Variants in GNPTAB observed in about 807,000 individuals in gnomAD.
GNPTAB encodes N-acetylglucosamine-1-phosphate transferase subunits alpha and beta.
A neutral mutation model predicts 136.6 loss-of-function variants in GNPTAB; 92 were observed. That is an observed-to-expected ratio of 0.67 (90% CI 0.57 to 0.80). The LOEUF (loss-of-function observed/expected upper bound fraction) is 0.80. GNPTAB is among the 30% of genes least tolerant of loss of function. The pLI, the probability that GNPTAB is intolerant of heterozygous loss-of-function variation, is 0.00. For missense variants in GNPTAB, 1,343 were observed against 1,501.8 expected (o/e 0.89, Z 1.75); for synonymous variants, 512 against 535.1 (o/e 0.96, Z 0.60).
intron 10 of GNPTAB, 103 bp from the exon 11 acceptor site, chr12:101,768,263 G>C: frequency 7.4e-7 from 1 of 1,354,098 alleles, no homozygotes; most frequent in Non-Finnish European, 1.0e-6. Flanking sequence ...TCTCTAGAAA[G>C]ATTAAAATTT....
In GNPTAB at chr12:101,760,086, T is replaced by C. The variant is rs202082876; in HGVS notation, c.3193A>G (p.Ile1065Val). The C allele has an allele frequency of 6.2e-7, 1 of 1,613,884 alleles. No homozygotes were observed. The highest frequency in any genetic ancestry group is 1.7e-5 in the Admixed American group (1 of 60,026). ...INCSKMLPAD[I>V]TQLNNIPPTQ... ...GGTGGAATATTATTTAGCTGCGTGA[T>C]ATCAGCAGGAAGCATTTTTGAGCAA... Residue 1065 changes from isoleucine (I) to valine (V), a missense_variant, in exon 16 of 21, where the codon ATC (isoleucine) becomes GTC (valine). Coordinates refer to ENST00000299314, the MANE Select transcript of GNPTAB (RefSeq NM_024312.5).
chr12:101,801,539 C>CAAAAAAAAAAAAAAAAA (rs36066248), intron 1 of GNPTAB, among the ~76,000 whole-genome samples: 1 of 42,580 alleles, frequency 2.3e-5, no homozygotes, highest in African/African-American at 7.0e-5. Context: ...GACCCTGTCT[C>CAAAAAAAAAAAAAAAAA]AAAAAAAAAA....
intron 1 of GNPTAB, among the ~76,000 whole-genome samples, chr12:101,801,498 C>G (rs1869620198): frequency 1.5e-5 from 2 of 130,448 alleles, no homozygotes. Context: ...ATTTACTGTG[C>G]CACTGCACTC....
chr12:101,782,993 T>C (rs1868430766), intron 5 of GNPTAB, among the ~76,000 whole-genome samples: 1 of 152,022 alleles, frequency 6.6e-6, no homozygotes, highest in Non-Finnish European at 1.5e-5. Context: ...AAATTAGAAT[T>C]GCAACCCCCT....
At chr12:101,784,637 G>T (rs1178949196) in intron 5 of GNPTAB, among the ~76,000 whole-genome samples, 2 of 151,754 alleles carry the variant, frequency 1.3e-5, no homozygotes, top group African/African-American at 4.9e-5. Context: ...AATTCAGTCT[G>T]GTGTGGAGGA....
At chr12:101,805,585 G>A (rs1202688758) in intron 1 of GNPTAB, among the ~76,000 whole-genome samples, 1 of 152,114 alleles carries the variant, frequency 6.6e-6, no homozygotes, top group Non-Finnish European at 1.5e-5. Context: ...TTGTCAAGAT[G>A]GGGTTTCACC....
In GNPTAB at chr12:101,770,043, T is replaced by TA. The variant is rs1489823937; in HGVS notation, c.1261dup (p.Tyr421LeufsTer28). ...CACCTTCTGGCCTTTGGAGTGACTG[T>TA]AAAAATCATCTGGCCAGACATCCTT... On this transcript the variant is annotated frameshift_variant, in exon 10 of 21. Coordinates refer to ENST00000299314, the MANE Select transcript of GNPTAB (RefSeq NM_024312.5). LOFTEE classifies it high-confidence loss of function. The TA allele has an allele frequency of 1.2e-6, 2 of 1,614,108 alleles. No homozygotes were observed. The highest frequency in any genetic ancestry group is 2.2e-5 in the East Asian group (1 of 44,886).
At chr12:101,747,288 A>G in intron 20 of GNPTAB, 47 bp from the exon 21 acceptor site, 1 of 1,106,100 alleles carries the variant, frequency 9.0e-7, no homozygotes, top group Non-Finnish European at 1.4e-6. Context: ...CACGTTGATG[A>G]AAGAATATAA....
At chr12:101,779,932 T>C in intron 7 of GNPTAB, 2 of 578,334 alleles carry the variant, frequency 3.5e-6, no homozygotes, top group East Asian at 6.0e-5. Context: ...GTTAAACAAA[T>C]GAGTCCTTCT....
chr12:101,815,920 CA>C (rs1870493377), intron 1 of GNPTAB, among the ~76,000 whole-genome samples: 2 of 152,152 alleles, frequency 1.3e-5, no homozygotes, highest in South Asian at 2.1e-4. Context: ...TAATTTCTGA[CA>C]AAAGTGCCAA....
At chr12:101,790,301 C>A (rs1868911285) in intron 2 of GNPTAB, among the ~76,000 whole-genome samples, 1 of 152,186 alleles carries the variant, frequency 6.6e-6, no homozygotes, top group Non-Finnish European at 1.5e-5. Flanking sequence ...ACCTGATGCA[C>A]ACAGCCACTC....
chr12:101,765,009 C>T lies in GNPTAB; in HGVS notation c.1908G>A (p.Arg636=). The change falls in exon 13 of 21, where the codon AGG becomes AGA. Residue 636 remains arginine (R), a synonymous_variant. Transcript: ENST00000299314. ...KMQITVEVDT[R]EGPKLNSTAQ... ...CTGTAGAATTCAGTTTTGGTCCCTC[C>T]CTTGTGTCCACCTCCACTGTTATCT... The T allele has an allele frequency of 6.2e-7, 1 of 1,614,164 alleles. No homozygotes were observed. The highest frequency in any genetic ancestry group is 8.5e-7 in the Non-Finnish European group (1 of 1,180,028).
intron 18 of GNPTAB, chr12:101,756,416 A>G: frequency 3.0e-6 from 1 of 329,856 alleles, no homozygotes; most frequent in South Asian, 2.2e-5. Flanking sequence ...GAAATTAAAA[A>G]TACTCCATTT....
chr12:101,820,190 C>T (rs1020642679), intron 1 of GNPTAB, among the ~76,000 whole-genome samples: 4 of 152,202 alleles, frequency 2.6e-5, no homozygotes, highest in African/African-American at 7.2e-5. Context: ...CAATCAGCAA[C>T]AAAAATAAAT....
At chr12:101,796,015 C>T (rs1394208866) in intron 2 of GNPTAB, 1 of 442,972 alleles carries the variant, frequency 2.3e-6, no homozygotes, top group Non-Finnish European at 4.0e-6. Context: ...AATGGCGGCA[C>T]TAAGAAGCTT....
chr12:101,785,919 T>G (rs1484683852), intron 5 of GNPTAB, 93 bp downstream of exon 5: 3 of 978,352 alleles, frequency 3.1e-6, no homozygotes, highest in Admixed American at 4.4e-5. Context: ...TTATCAGACA[T>G]TTAAGAATGA....
intron 18 of GNPTAB, among the ~76,000 whole-genome samples, chr12:101,754,135 G>A (rs994732122): frequency 2.6e-5 from 4 of 151,820 alleles, no homozygotes; most frequent in South Asian, 4.2e-4. Flanking sequence ...CTAAAACCAA[G>A]TTCTCTGAAG....
At chr12:101,760,347 A>G (rs1952974835) in intron 15 of GNPTAB, among the ~76,000 whole-genome samples, 2 of 152,206 alleles carry the variant, frequency 1.3e-5, no homozygotes, top group Non-Finnish European at 2.9e-5. Context: ...CTTCATCTCA[A>G]AGAACATTCT....
At chr12:101,769,805 T>C (rs1479411088) in intron 10 of GNPTAB, among the ~76,000 whole-genome samples, 2 of 151,996 alleles carry the variant, frequency 1.3e-5, no homozygotes, top group African/African-American at 4.8e-5. Flanking sequence ...TTATTTTACT[T>C]TTTGTAAAGA....
Sources: allele counts gnomAD v4.1 joint callset (sites outside exome capture counted in the v4.1 genomes callset), GRCh38; gene constraint gnomAD v4.1.1; transcripts MANE v1.5; gene names NCBI Gene and HGNC (gene_info 2026-07-23, HGNC 2026-07-21).